Variants in HAS1 observed in about 807,000 individuals in gnomAD.
HAS1 encodes hyaluronan synthase 1.
HAS1 carries 27 observed loss-of-function variants against 35.0 expected under a neutral mutation model. The ratio of observed to expected loss-of-function variants is 0.77; its 90% CI spans 0.57 to 1.06. The LOEUF (loss-of-function observed/expected upper bound fraction) is 1.06, where lower values mean the gene tolerates loss of function less well. Among genes scored for constraint, HAS1 ranks in the 50% least tolerant of loss-of-function variants. The probability of loss-of-function intolerance (pLI) is 0.00; values close to 1 mark genes in which losing one functional copy is unlikely to be tolerated. For missense variants in HAS1, 940 were observed against 814.8 expected, an observed-to-expected ratio of 1.15 and a Z score of -1.87; for synonymous variants, 409 against 371.2, an observed-to-expected ratio of 1.10 and a Z score of -1.17.
chr19:51,716,876 TTCCCAA>T, intron 3 of HAS1, 86 bp downstream of exon 3: 1 of 887,646 alleles, frequency 1.1e-6, no homozygotes, highest in Non-Finnish European at 1.9e-6. Flanking sequence ...TGCATCTTTG[TTCCCAA>T]CCCCAGTCAC....
chr19:51,720,939 A>T (rs973094937), intron 1 of HAS1, among the ~76,000 whole-genome samples: 2 of 152,228 alleles, frequency 1.3e-5, no homozygotes, highest in African/African-American at 4.8e-5. Flanking sequence ...TTGAGACAGT[A>T]ATAATAATAA....
Position 51,713,189 on chromosome 19 carries a change from G to A in HAS1, c.*238C>T, listed in dbSNP as rs929590768. 2 of 381,068 alleles carry A rather than the reference G, an allele frequency of 5.2e-6. No homozygotes were observed. Among genetic ancestry groups the A allele is most frequent in the Non-Finnish European group, 4.5e-6 (1 of 223,102 alleles). 23.6% of individuals were successfully genotyped at this position (381,068 alleles called of 1,614,324 possible). On this transcript the variant is annotated 3_prime_UTR_variant, in exon 5 of 5. Coordinates refer to ENST00000540069, the MANE Select transcript of HAS1 (RefSeq NM_001297436.2). This position sits in a 1 kb window ranked among gnomAD's most constrained non-coding sequence, Gnocchi z 4.5. Reference sequence around the variant, plus strand: ...TTAAATAAGAACGAGGAGAAAGCAGGACCCTTTCCCTCCACTCCTCAGATC... The same window carrying A: ...TTAAATAAGAACGAGGAGAAAGCAGAACCCTTTCCCTCCACTCCTCAGATC...
At chr19:51,722,011 C>T (rs74894569) in intron 1 of HAS1, among the ~76,000 whole-genome samples, 2,825 of 152,258 alleles carry the variant, frequency 0.019, 93 homozygotes, top group African/African-American at 0.062. Flanking sequence ...AGGTAATAAG[C>T]AGAGTCAGAA....
intron 4 of HAS1, among the ~76,000 whole-genome samples, chr19:51,716,049 C>T (rs2083583899): frequency 1.3e-5 from 2 of 152,186 alleles, no homozygotes; most frequent in African/African-American, 2.4e-5. Context: ...CCCCTCTTCC[C>T]TAATATCTCA....
At chr19:51,720,683 A>AG (rs2083625777) in intron 1 of HAS1, among the ~76,000 whole-genome samples, 1 of 151,004 alleles carries the variant, frequency 6.6e-6, no homozygotes, top group African/African-American at 2.4e-5. Context: ...CAATTAGAGG[A>AG]GGGGTCTCAC....
In HAS1 at chr19:51,719,757, A is replaced by G. The variant is rs1167331319; in HGVS notation, c.148T>C (p.Tyr50His). 3.8e-6 allele frequency: 6 copies of G among 1,565,902 alleles called. No individual in the cohort carries two copies. In the Admixed American group the frequency reaches 1.1e-4, roughly 29 times the overall value. Residue 50 changes from tyrosine (Y) to histidine (H), a missense_variant, in exon 2 of 5, where the codon TAC (tyrosine) becomes CAC (histidine). Coordinates refer to ENST00000540069, the MANE Select transcript of HAS1 (RefSeq NM_001297436.2). ...TAGAGGCCGAAGGCCAGGAGGCCGT[A>G]GCGATCGGAGGCCAGCGGCACCCCG... is the stretch of plus-strand genomic sequence containing the variant. Reference protein sequence around the residue: ...AAGVPLASDRYGLLAFGLYGA... With the variant: ...AAGVPLASDRHGLLAFGLYGA...
At chr19:51,722,935 C>T (rs754663590) in intron 1 of HAS1, among the ~76,000 whole-genome samples, 5 of 152,156 alleles carry the variant, frequency 3.3e-5, no homozygotes, top group Non-Finnish European at 4.4e-5. Flanking sequence ...TTGTGGTTTT[C>T]GTTACATTTC....
chr19:51,721,587 G>A (rs1158249773), intron 1 of HAS1, among the ~76,000 whole-genome samples: 1 of 152,064 alleles, frequency 6.6e-6, no homozygotes, highest in Non-Finnish European at 1.5e-5. Context: ...AGATTAGCCT[G>A]GCTAACATGG....
intron 1 of HAS1, 75 bp from the exon 2 acceptor site, chr19:51,719,970 A>T: frequency 1.0e-6 from 1 of 963,752 alleles, no homozygotes; most frequent in Non-Finnish European, 1.5e-6. Context: ...AAGATTAAAA[A>T]TCCTTTCCTT....
chr19:51,721,036 G>A (rs746037182), intron 1 of HAS1, among the ~76,000 whole-genome samples: 1 of 152,236 alleles, frequency 6.6e-6, no homozygotes, highest in South Asian at 2.1e-4. Flanking sequence ...TTACAACAGC[G>A]CTGTAAGGTA....
At chr19:51,718,659 C>T (rs887813138) in intron 2 of HAS1, among the ~76,000 whole-genome samples, 2 of 152,180 alleles carry the variant, frequency 1.3e-5, no homozygotes, top group African/African-American at 4.8e-5. Flanking sequence ...CCCTCAGCCT[C>T]CCGAGTAGCT....
At chr19:51,716,931 C>T in intron 3 of HAS1, 37 bp downstream of exon 3, 1 of 1,408,222 alleles carries the variant, frequency 7.1e-7, no homozygotes, top group Non-Finnish European at 1.0e-6. Context: ...CCCTTTCCAC[C>T]CCATCCACAG....
In HAS1 at chr19:51,719,201, C is replaced by A; in HGVS notation, c.699+5G>T. 1 of 1,533,870 alleles carries A rather than the reference C, an allele frequency of 6.5e-7. No homozygotes were observed. On this transcript the variant is annotated splice_donor_5th_base_variant and intron_variant, in intron 2 of 4. Transcript: ENST00000540069. Reference sequence around the variant, plus strand: ...CACGAGTGGGCTGAAGGCGCCTCTACTCACCTGCACGTAGTCCACCGAATC... The same window carrying A: ...CACGAGTGGGCTGAAGGCGCCTCTAATCACCTGCACGTAGTCCACCGAATC...
At chr19:51,716,175 T>C (rs754843851) in intron 4 of HAS1, 81 bp downstream of exon 4, 77 of 1,244,094 alleles carry the variant, frequency 6.2e-5, no homozygotes, top group Admixed American at 4.2e-4. Context: ...ACTTTGGATT[T>C]GGAGAACTCT....
chr19:51,713,582 C>A lies in HAS1; in HGVS notation c.1579G>T (p.Asp527Tyr). The A allele has an allele frequency of 4.5e-6, 7 of 1,560,278 alleles. No homozygotes were observed. Among genetic ancestry groups the A allele is most frequent in the East Asian group, 4.8e-5 (2 of 41,664 alleles). ...VRSVAHEARA[D>Y]WSGPSRAAEA... ...GCTGCGCGGGAAGGGCCGCTCCAGT[C>A]GGCCCTGGCCTCGTGTGCTACGCTG... Residue 527 changes from aspartate (D) to tyrosine (Y), a missense_variant, in exon 5 of 5, where the codon GAC (aspartate) becomes TAC (tyrosine). Asp to Tyr is a radical substitution (Grantham distance 160). Transcript: ENST00000540069. This position sits in a 1 kb window ranked among gnomAD's most constrained non-coding sequence, Gnocchi z 4.5.
At chr19:51,714,519 T>C (rs560883713) in intron 4 of HAS1, among the ~76,000 whole-genome samples, 1,438 of 106,186 alleles carry the variant, frequency 0.014, 31 homozygotes, top group African/African-American at 0.05. Flanking sequence ...TGAGACCCCA[T>C]CTCTAAAAAA....
intron 4 of HAS1, 118 bp downstream of exon 4, chr19:51,716,138 T>C (rs2122253598): frequency 1.1e-6 from 1 of 911,710 alleles, no homozygotes; most frequent in Non-Finnish European, 1.7e-6. Context: ...AAAGTCTCAC[T>C]TGATAGAGCC....
intron 1 of HAS1, among the ~76,000 whole-genome samples, chr19:51,721,520 G>A (rs2122274495): frequency 6.6e-6 from 1 of 152,256 alleles, no homozygotes; most frequent in South Asian, 2.1e-4. Flanking sequence ...GCTCACGCCT[G>A]TAATCCCAGC....
intron 4 of HAS1, among the ~76,000 whole-genome samples, chr19:51,714,475 G>A (rs1254147374): frequency 6.7e-6 from 1 of 149,262 alleles, no homozygotes; most frequent in African/African-American, 2.5e-5. Flanking sequence ...GATCACTTGA[G>A]GCTAAGAGTT....
Sources: gnomAD v4.1 joint callset for allele counts (sites outside exome capture counted in the v4.1 genomes callset) on GRCh38, gnomAD v4.1.1 for gene constraint, Gnocchi (gnomAD v3.1) non-coding constraint, MANE v1.5 for transcripts, NCBI Gene and HGNC (gene_info 2026-07-23, HGNC 2026-07-21) for gene names.